Variants in ZNF644 observed in about 807,000 individuals in gnomAD.
The protein encoded by ZNF644 is zinc finger protein 644.
In ZNF644, 20 loss-of-function variants were observed where a neutral mutation model predicts 108.0. The observed-to-expected ratio is 0.19, with a 90% CI of 0.13 to 0.27. The LOEUF (loss-of-function observed/expected upper bound fraction) is 0.27, where lower values mean the gene tolerates loss of function less well. Among genes scored for constraint, ZNF644 ranks in the 10% least tolerant of loss-of-function variants. The pLI is 1.00. For synonymous variants in ZNF644, 542 were observed against 539.1 expected (o/e 1.01, Z -0.08); for missense variants, 1,338 against 1,548.9 (o/e 0.86, Z 2.29).
chr1:90,919,244 G>T (rs994571302), intron 4 of ZNF644, among the ~76,000 whole-genome samples: 6 of 152,008 alleles, frequency 3.9e-5, no homozygotes, highest in Admixed American at 3.9e-4. Flanking sequence ...TATCTGTAGG[G>T]ATCCAAGGGG....
At position 90,982,483 on chromosome 1, in the gene ZNF644, C is replaced by T. The variant is rs1175475877; in HGVS notation, c.-17-113G>A. On this transcript the variant is annotated intron_variant, in intron 1 of 5. Coordinates refer to ENST00000337393, the MANE Select transcript of ZNF644 (RefSeq NM_201269.3). ...AAAAAACACAAACCAAATTATATTT[C>T]TTGATATAACATAAAAAAACCATTC... 7.0e-6 allele frequency: 5 copies of T among 713,478 alleles called. No homozygotes were observed. In the East Asian group the frequency reaches 1.4e-4, roughly 19 times the overall value. 44.2% of individuals were successfully genotyped at this position (713,478 alleles called of 1,614,324 possible). A position where few individuals can be genotyped will look rare whatever the true frequency, so the allele number is the denominator to read the frequency against.
intron 1 of ZNF644, among the ~76,000 whole-genome samples, chr1:90,986,821 CAACT>C (rs1389285800): frequency 4.6e-5 from 7 of 151,558 alleles, no homozygotes; most frequent in African/African-American, 7.3e-5. Flanking sequence ...GAAATCATAC[CAACT>C]ATCTTCTCTA....
chr1:90,916,748 T>C lies in ZNF644; in HGVS notation c.*50A>G. ...TTTAATGTGGCTTAAAAAAAAAGAA[T>C]TTCAAATTTACATCCAATTCAAACT... On this transcript the variant is annotated 3_prime_UTR_variant, in exon 6 of 6. Transcript: ENST00000337393. 6.3e-7 allele frequency: 1 copy of C among 1,599,942 alleles called. No individual in the cohort carries two copies. Among genetic ancestry groups the C allele is most frequent in the Non-Finnish European group, 8.6e-7 (1 of 1,168,838 alleles).
At chr1:90,957,809 A>C (rs1238172530) in intron 2 of ZNF644, among the ~76,000 whole-genome samples, 1 of 152,158 alleles carries the variant, frequency 6.6e-6, no homozygotes, top group Non-Finnish European at 1.5e-5. Flanking sequence ...AAGGCATCCA[A>C]ATTGGAAAAG....
At position 90,940,386 on chromosome 1, in the gene ZNF644, ACTT is replaced by A. The variant is rs777867070; in HGVS notation, c.965_967del (p.Glu322del). The A allele has an allele frequency of 3.1e-6, 5 of 1,613,636 alleles. No homozygotes were observed. Among genetic ancestry groups the A allele is most frequent in the East Asian group, 2.2e-5 (1 of 44,844 alleles). On this transcript the variant is annotated inframe_deletion, in exon 3 of 6. Coordinates refer to ENST00000337393, the MANE Select transcript of ZNF644 (RefSeq NM_201269.3). ...CTCTTCATTTTGTTCTAGAAAGTCT[ACTT>A]CTTGCATTTTTGATTTATTGGGTAC...
chr1:91,011,756 TA>T (rs934980789), intron 1 of ZNF644, among the ~76,000 whole-genome samples: 4 of 151,302 alleles, frequency 2.6e-5, no homozygotes, highest in Non-Finnish European at 4.4e-5. Context: ...TGCCTACCTA[TA>T]AAAAAAAAGT....
intron 2 of ZNF644, among the ~76,000 whole-genome samples, chr1:90,973,502 T>C (rs1044216675): frequency 2.0e-5 from 3 of 152,170 alleles, no homozygotes; most frequent in Admixed American, 6.5e-5. Context: ...TGAGTTAATA[T>C]TGAAAAAGTA....
At chr1:91,000,862 G>A (rs529940635) in intron 1 of ZNF644, among the ~76,000 whole-genome samples, 5 of 150,426 alleles carry the variant, frequency 3.3e-5, no homozygotes, top group South Asian at 4.3e-4. Context: ...TATCACCACC[G>A]ATCCCACACA....
intron 1 of ZNF644, chr1:91,020,395 T>C (rs1294777379): frequency 6.6e-6 from 1 of 152,210 alleles, no homozygotes; most frequent in Non-Finnish European, 1.5e-5. Flanking sequence ...TGTTTCAAAA[T>C]TTTGTACTTC....
At chr1:90,961,225 A>C (rs2101130772) in intron 2 of ZNF644, among the ~76,000 whole-genome samples, 1 of 152,320 alleles carries the variant, frequency 6.6e-6, no homozygotes, top group African/African-American at 2.4e-5. Context: ...ACAGTATGGA[A>C]GGAAATGAAT....
rs775806333 is a variant in ZNF644, at chr1:90,937,510, T to C, written c.3663A>G (p.Gln1221=). 1 of 1,613,858 alleles carries C rather than the reference T, an allele frequency of 6.2e-7. No individual in the cohort carries two copies. The highest frequency in any genetic ancestry group is 8.5e-7 in the Non-Finnish European group (1 of 1,179,764). Residue 1221 remains glutamine, a synonymous_variant, in exon 4 of 6, where the codon CAA becomes CAG. Transcript: ENST00000337393. ...CTGAGTGCATAGTCAAGTCCATTTTTTGTGGCTGATACATCAACGGACTAT... is the reference window on the plus strand; with the variant it reads ...CTGAGTGCATAGTCAAGTCCATTTTCTGTGGCTGATACATCAACGGACTAT... ...NEDSPLMYQP[Q]KMDLTMHSAL...
chr1:90,991,763 C>T (rs1041471120), intron 1 of ZNF644, among the ~76,000 whole-genome samples: 1 of 152,148 alleles, frequency 6.6e-6, no homozygotes, highest in Admixed American at 6.5e-5. Context: ...AATCTGTCCC[C>T]ATGATCCAAT....
rs776314430 is a variant in ZNF644 at position 90,980,902 on chromosome 1, G to A, written c.44+1408C>T. Among the ~76,000 whole-genome samples, 33 of 152,206 alleles carry A rather than the reference G, an allele frequency of 2.2e-4. 1 individual carries two copies. Among genetic ancestry groups the A allele is most frequent in the Middle Eastern group, 6.8e-3 (2 of 294 alleles). On this transcript the variant is annotated intron_variant, in intron 2 of 5. Transcript: ENST00000337393. ...AGATGGTGGTTACACATATGAATGT[G>A]TATGTGAAAAGTCATTCAGCTCTAT...
intron 2 of ZNF644, among the ~76,000 whole-genome samples, chr1:90,961,839 T>A (rs1440974888): frequency 6.6e-6 from 1 of 152,092 alleles, no homozygotes. Context: ...GCTGTCACAC[T>A]GGGTAAGTAC....
At chr1:90,941,385 AC>A in intron 2 of ZNF644, 76 bp from the exon 3 acceptor site, 1 of 1,317,736 alleles carries the variant, frequency 7.6e-7, no homozygotes, top group Non-Finnish European at 1.0e-6. Context: ...AGTTGAAAGT[AC>A]ATATTTTTAT....
chr1:91,001,575 T>C (rs962786854), intron 1 of ZNF644, among the ~76,000 whole-genome samples: 1 of 152,150 alleles, frequency 6.6e-6, no homozygotes, highest in African/African-American at 2.4e-5. Flanking sequence ...CCACAGCCAA[T>C]ATCATACTGA....
chr1:90,927,156 C>G (rs1305864108), intron 4 of ZNF644, among the ~76,000 whole-genome samples: 1 of 151,942 alleles, frequency 6.6e-6, no homozygotes, highest in Non-Finnish European at 1.5e-5. Context: ...TTGGGAGTTC[C>G]TAGTCTAGCT....
chr1:90,982,183 A>C, intron 2 of ZNF644, 127 bp downstream of exon 2: 1 of 727,770 alleles, frequency 1.4e-6, no homozygotes, highest in Admixed American at 2.3e-5. Flanking sequence ...AAAGTCAATT[A>C]TTTGCATTTC....
intron 1 of ZNF644, among the ~76,000 whole-genome samples, chr1:91,019,717 C>T (rs1271350482): frequency 6.6e-6 from 1 of 152,094 alleles, no homozygotes; most frequent in Non-Finnish European, 1.5e-5. Context: ...ACTATAGGCA[C>T]CACCACGCCC....
Sources: gnomAD v4.1 joint callset for allele counts (sites outside exome capture counted in the v4.1 genomes callset) on GRCh38, gnomAD v4.1.1 for gene constraint, MANE v1.5 for transcripts, NCBI Gene and HGNC (gene_info 2026-07-23, HGNC 2026-07-21) for gene names.